TESK2: variants seen among roughly 807,000 people sequenced by gnomAD.
The protein encoded by TESK2 is testis associated actin remodelling kinase 2.
In TESK2, 39 loss-of-function variants were observed where a neutral mutation model predicts 57.1. The ratio of observed to expected loss-of-function variants is 0.68; its 90% CI spans 0.53 to 0.89. The LOEUF is 0.89. TESK2 is among the 40% of genes least tolerant of loss of function. TESK2 has a pLI of 0.00. For missense variants in TESK2, 646 were observed against 732.1 expected, an observed-to-expected ratio of 0.88 and a Z score of 1.36; for synonymous variants, 249 against 267.9, an observed-to-expected ratio of 0.93 and a Z score of 0.69.
chr1:45,475,767 C>T (rs534092988), intron 1 of TESK2, among the ~76,000 whole-genome samples: 2 of 152,232 alleles, frequency 1.3e-5, no homozygotes, highest in Non-Finnish European at 2.9e-5. Context: ...AATCAGCTGC[C>T]AGTGTAGCTA....
Position 45,347,641 on chromosome 1 carries a change from CA to C in TESK2, c.675del (p.Glu226ArgfsTer88). On this transcript the variant is annotated frameshift_variant, in exon 7 of 11. Transcript: ENST00000372086. LOFTEE classifies it high-confidence loss of function. ...AVVGSPFWMA[P>X]EVLRDEPYNE... is the part of the protein sequence containing the mutation. The stretch of plus-strand genomic sequence containing the variant: ...TTATAGGGCTCATCTCGGAGAACCT[CA>C]GGTGCCATCCAGAATGGGGAACCCA... The C allele has an allele frequency of 6.2e-7, 1 of 1,614,172 alleles. No homozygotes were observed. The highest frequency in any genetic ancestry group is 8.5e-7 in the Non-Finnish European group (1 of 1,180,038).
intron 4 of TESK2, among the ~76,000 whole-genome samples, chr1:45,358,653 G>A (rs1024834604): frequency 4.1e-5 from 6 of 147,604 alleles, no homozygotes; most frequent in African/African-American, 1.5e-4. Flanking sequence ...TTTTTTTCAT[G>A]TCAGACAACG....
At chr1:45,373,369 A>C (rs1021256202) in intron 4 of TESK2, among the ~76,000 whole-genome samples, 1 of 152,224 alleles carries the variant, frequency 6.6e-6, no homozygotes, top group Admixed American at 6.5e-5. Flanking sequence ...GATTAGGGAT[A>C]AAGGAAAAGG....
intron 1 of TESK2, among the ~76,000 whole-genome samples, chr1:45,476,992 G>A (rs908972751): frequency 1.3e-5 from 2 of 148,204 alleles, no homozygotes; most frequent in Non-Finnish European, 3.0e-5. Flanking sequence ...TGAAGAGGTG[G>A]GTTCTTACTA....
chr1:45,390,148 C>G (rs116043399), intron 3 of TESK2, among the ~76,000 whole-genome samples: 45 of 152,170 alleles, frequency 3.0e-4, no homozygotes, highest in African/African-American at 1.1e-3. Context: ...AAAAATTCTT[C>G]CGCCAGGCAC....
In TESK2 at chr1:45,410,581, G is replaced by A. The variant is rs563448460; in HGVS notation, c.344+11144C>T. Among the ~76,000 whole-genome samples the A allele has an allele frequency of 5.0e-4, 76 of 151,770 alleles. 1 individual carries two copies. The highest frequency in any genetic ancestry group is 4.2e-3 in the South Asian group (20 of 4,808). ...GATTGCACCATTGCACCCCAGCTTG[G>A]GCAACAAGAGCGAAACTCCAACTCA... On this transcript the variant is annotated intron_variant, in intron 3 of 10. Coordinates refer to ENST00000372086, the MANE Select transcript of TESK2 (RefSeq NM_007170.3).
intron 5 of TESK2, among the ~76,000 whole-genome samples, chr1:45,353,979 C>T (rs1040850802): frequency 6.6e-6 from 1 of 152,186 alleles, no homozygotes; most frequent in Non-Finnish European, 1.5e-5. Flanking sequence ...TGGGTCAGTA[C>T]ATATGGCCCT....
At chr1:45,463,760 C>CT (rs991625976) in intron 1 of TESK2, among the ~76,000 whole-genome samples, 10 of 150,998 alleles carry the variant, frequency 6.6e-5, no homozygotes, top group African/African-American at 1.2e-4. Flanking sequence ...AATTTTTGTA[C>CT]TTTTTTTTTG....
At chr1:45,386,203 G>A (rs750054316) in intron 3 of TESK2, among the ~76,000 whole-genome samples, 8 of 151,978 alleles carry the variant, frequency 5.3e-5, no homozygotes, top group Non-Finnish European at 1.2e-4. Flanking sequence ...AAATTAGGCA[G>A]GTGTGGTGGC....
rs34671575 is a variant in TESK2, at chr1:45,365,677, CTT to C, written c.394-10230_394-10229del. Reference sequence around the variant, plus strand: ...TACAGGCGTGCACCACCACGCCCGGCTTTTTTTTTTTTTTTTTTTGAGACAGA... The same window carrying C: ...TACAGGCGTGCACCACCACGCCCGGCTTTTTTTTTTTTTTTTTGAGACAGA... On this transcript the variant is annotated intron_variant, in intron 4 of 10. Transcript: ENST00000372086. 8.2e-4 allele frequency among the ~76,000 whole-genome samples: 88 copies of C among 106,788 alleles called. No individual in the cohort carries two copies. The East Asian group carries it at 0.014, about 17-fold the overall frequency. The allele number at this position is 106,788 out of a possible 152,430, so 70.1% of individuals were successfully genotyped here. A position where few individuals can be genotyped will look rare whatever the true frequency, so the allele number is the denominator to read the frequency against.
chr1:45,348,373 T>A (rs1647178231), intron 5 of TESK2, among the ~76,000 whole-genome samples: 1 of 152,234 alleles, frequency 6.6e-6, no homozygotes, highest in African/African-American at 2.4e-5. Flanking sequence ...CTGGCCTCCC[T>A]TCCTCCTTCC....
chr1:45,356,326 G>A lies in TESK2; in HGVS notation c.394-877C>T, dbSNP rs1557541007. ...AGAGGAGTAGGTTTTTAGAAGAAGA[G>A]GCAATGTTAAAAGAGAGTGAGTTCA... is the stretch of plus-strand genomic sequence containing the variant. On this transcript the variant is annotated intron_variant, in intron 4 of 10. Transcript: ENST00000372086. Among the ~76,000 whole-genome samples the A allele has an allele frequency of 3.3e-5, 5 of 152,110 alleles. No individual in the cohort carries two copies. The South Asian group carries it at 8.3e-4, about 25-fold the overall frequency.
At chr1:45,401,814 C>T (rs987802494) in intron 3 of TESK2, among the ~76,000 whole-genome samples, 4 of 152,070 alleles carry the variant, frequency 2.6e-5, no homozygotes, top group African/African-American at 9.7e-5. Context: ...AAAAGAACTG[C>T]CCTTCTACGA....
At chr1:45,389,638 C>A (rs909127030) in intron 3 of TESK2, among the ~76,000 whole-genome samples, 1 of 152,194 alleles carries the variant, frequency 6.6e-6, no homozygotes, top group African/African-American at 2.4e-5. Flanking sequence ...ATAGAAAACA[C>A]TAAGGCATTG....
chr1:45,472,767 TA>T (rs1652819408), intron 1 of TESK2, among the ~76,000 whole-genome samples: 1 of 151,944 alleles, frequency 6.6e-6, no homozygotes, highest in Non-Finnish European at 1.5e-5. Context: ...GAACACCAGT[TA>T]ACAATGTCCA....
Position 45,345,469 on chromosome 1 carries a change from A to G in TESK2, c.1087T>C (p.Trp363Arg), listed in dbSNP as rs1488017368. 1 of 1,614,184 alleles carries G rather than the reference A, an allele frequency of 6.2e-7. No homozygotes were observed. The highest frequency in any genetic ancestry group is 2.2e-5 in the East Asian group (1 of 44,886). ...HKSPCPRRTI[W>R]LSRSQSDIFS... ...ATATCTGACTGGCTTCGAGACAGCC[A>G]GATGGTACGTCTTGGGCATGGTGAC... The change falls in exon 11 of 11, where the codon TGG becomes CGG. Residue 363 changes from tryptophan to arginine, a missense_variant. Trp to Arg is a moderately radical substitution (Grantham distance 101). Coordinates refer to ENST00000372086, the MANE Select transcript of TESK2 (RefSeq NM_007170.3).
At chr1:45,380,443 G>A (rs1648608091) in intron 4 of TESK2, among the ~76,000 whole-genome samples, 1 of 152,030 alleles carries the variant, frequency 6.6e-6, no homozygotes, top group African/African-American at 2.4e-5. Context: ...ATATTAAAAG[G>A]AAAAAGCGCT....
At position 45,346,575 on chromosome 1, in the gene TESK2, A is replaced by G. The variant is rs184586466; in HGVS notation, c.879+118T>C. 3.5e-4 allele frequency: 271 copies of G among 783,934 alleles called. 2 individuals carry two copies. In the East Asian group the frequency reaches 5.8e-3, roughly 17 times the overall value. The allele number at this position is 783,934 out of a possible 1,614,324, so 48.6% of individuals were successfully genotyped here. On this transcript the variant is annotated intron_variant, in intron 9 of 10. Coordinates refer to ENST00000372086, the MANE Select transcript of TESK2 (RefSeq NM_007170.3). ...AGGAGGAGGAGGTGTGGTTGCTGTC[A>G]CTACAGTGAAAATGAGGTCCCTCAT...
chr1:45,448,866 A>C (rs1184624167), intron 2 of TESK2, among the ~76,000 whole-genome samples: 4 of 152,162 alleles, frequency 2.6e-5, no homozygotes, highest in Non-Finnish European at 2.9e-5. Flanking sequence ...CAAAATCCAA[A>C]ACACTGACAT....
Sources: allele counts gnomAD v4.1 joint callset (sites outside exome capture counted in the v4.1 genomes callset), GRCh38; gene constraint gnomAD v4.1.1; transcripts MANE v1.5; gene names NCBI Gene and HGNC (gene_info 2026-07-23, HGNC 2026-07-21).